The following DAP variants were observed in gnomAD, a reference collection of about 807,000 sequenced individuals.
The protein encoded by DAP is death-associated protein 1.
Under a neutral mutation model 13.8 loss-of-function variants are expected in DAP, and 8 were observed. That is an observed-to-expected ratio of 0.58 (90% CI 0.34 to 1.05). The LOEUF (loss-of-function observed/expected upper bound fraction) is 1.05, where lower values mean the gene tolerates loss of function less well. Ranked by LOEUF, DAP falls within the 50% of genes least tolerant of loss-of-function variation. The pLI, the probability that DAP is intolerant of heterozygous loss-of-function variation, is 0.03. For synonymous variants in DAP, 47 were observed against 47.5 expected (o/e 0.99, Z 0.04); for missense variants, 106 against 133.2 (o/e 0.80, Z 1.01).
In DAP at chr5:10,702,669, TG is replaced by T. The variant is rs1328536685; in HGVS notation, c.153-19099del. 3.9e-5 allele frequency among the ~76,000 whole-genome samples: 6 copies of T among 152,268 alleles called. No individual in the cohort carries two copies. In the East Asian group the frequency reaches 1.2e-3, roughly 29 times the overall value. On this transcript the variant is annotated intron_variant, in intron 2 of 3. Transcript: ENST00000230895. ...CTAGAGGCGGTAAGGAAAAGAGGGA[TG>T]GGGTGTTATCAATGACCACATTCAC...
intron 1 of DAP, among the ~76,000 whole-genome samples, chr5:10,759,319 G>C (rs1247785894): frequency 2.0e-5 from 3 of 152,332 alleles, no homozygotes; most frequent in African/African-American, 7.2e-5. Context: ...AGAGCAGGTG[G>C]CTGCTGCAGT....
At chr5:10,709,305 AAAG>A (rs1182573870) in intron 2 of DAP, among the ~76,000 whole-genome samples, 3 of 152,200 alleles carry the variant, frequency 2.0e-5, no homozygotes, top group Non-Finnish European at 2.9e-5. Flanking sequence ...GTTACTGGGG[AAAG>A]AAGATGAATA....
At chr5:10,746,637 GC>G (rs937021368) in intron 2 of DAP, among the ~76,000 whole-genome samples, 2 of 152,130 alleles carry the variant, frequency 1.3e-5, no homozygotes, top group African/African-American at 4.8e-5. Context: ...GACAATTCTA[GC>G]ATTTTCTTTA....
chr5:10,755,136 C>T (rs555448499), intron 1 of DAP, among the ~76,000 whole-genome samples: 110 of 152,204 alleles, frequency 7.2e-4, no homozygotes, highest in African/African-American at 2.5e-3. Context: ...AAGAGGGAGG[C>T]GGAAGAGTCA....
chr5:10,753,795 T>C (rs1740105501), intron 1 of DAP, among the ~76,000 whole-genome samples: 2 of 152,212 alleles, frequency 1.3e-5, no homozygotes, highest in Non-Finnish European at 2.9e-5. Context: ...TACTGGAGTA[T>C]GACTCACAAG....
intron 2 of DAP, among the ~76,000 whole-genome samples, chr5:10,689,392 A>T (rs1362280393): frequency 6.6e-6 from 1 of 152,124 alleles, no homozygotes; most frequent in Non-Finnish European, 1.5e-5. Flanking sequence ...GGCCCAGCTC[A>T]TTCCAGGAGT....
chr5:10,721,275 T>C (rs992629028), intron 2 of DAP, among the ~76,000 whole-genome samples: 5 of 152,126 alleles, frequency 3.3e-5, no homozygotes, highest in African/African-American at 1.2e-4. Flanking sequence ...CCCCTAATGA[T>C]CCACTGGCAA....
chr5:10,683,577 A>T lies in DAP; in HGVS notation c.153-6T>A. On this transcript the variant is annotated splice_region_variant and splice_polypyrimidine_tract_variant and intron_variant, in intron 2 of 3. Coordinates refer to ENST00000230895, the MANE Select transcript of DAP (RefSeq NM_004394.3). ...ACACAGTGGGTTTAGGTGGACTGGA[A>T]AAAAAGAAGGGAAAAGGCAGATTTA... 6.2e-7 allele frequency: 1 copy of T among 1,613,994 alleles called. No homozygotes were observed. The highest frequency in any genetic ancestry group is 8.5e-7 in the Non-Finnish European group (1 of 1,179,936).
intron 2 of DAP, among the ~76,000 whole-genome samples, chr5:10,688,760 G>T (rs931821715): frequency 1.2e-4 from 19 of 152,106 alleles, no homozygotes; most frequent in African/African-American, 4.6e-4. Flanking sequence ...GGTCTACCCT[G>T]TGAGTACGCC....
At chr5:10,688,470 T>C (rs1044167784) in intron 2 of DAP, among the ~76,000 whole-genome samples, 2 of 152,216 alleles carry the variant, frequency 1.3e-5, no homozygotes, top group Non-Finnish European at 2.9e-5. Context: ...ATAACTTTTA[T>C]ATGCACTGTG....
rs3756410 is a variant in DAP at position 10,712,991 on chromosome 5, G to A, written c.153-29420C>T. ...TACTCATTAGTGCAGGCCTCCATACGACACATGTACCCATGAACTAGGCTG... is the reference window on the plus strand; with the variant it reads ...TACTCATTAGTGCAGGCCTCCATACAACACATGTACCCATGAACTAGGCTG... On this transcript the variant is annotated intron_variant, in intron 2 of 3. Coordinates refer to ENST00000230895, the MANE Select transcript of DAP (RefSeq NM_004394.3). Among the ~76,000 whole-genome samples the A allele has an allele frequency of 1.1e-4, 17 of 152,244 alleles. No individual in the cohort carries two copies. In the East Asian group the frequency reaches 3.3e-3, roughly 29 times the overall value.
At chr5:10,745,970 T>C (rs530219781) in intron 2 of DAP, among the ~76,000 whole-genome samples, 1 of 152,224 alleles carries the variant, frequency 6.6e-6, no homozygotes, top group South Asian at 2.1e-4. Context: ...TCATAACTTG[T>C]ACGGAGGCAA....
At chr5:10,744,272 T>C (rs751043563) in intron 2 of DAP, among the ~76,000 whole-genome samples, 9 of 152,298 alleles carry the variant, frequency 5.9e-5, no homozygotes, top group Non-Finnish European at 1.3e-4. Flanking sequence ...TGAACAACAC[T>C]GGGATCAAAA....
intron 2 of DAP, among the ~76,000 whole-genome samples, chr5:10,711,580 C>T (rs1378199032): frequency 6.6e-6 from 1 of 152,206 alleles, no homozygotes; most frequent in Non-Finnish European, 1.5e-5. Flanking sequence ...ATTAAAAATC[C>T]TCTGAACTCT....
intron 2 of DAP, among the ~76,000 whole-genome samples, chr5:10,734,729 T>C (rs1171294673): frequency 6.6e-6 from 1 of 152,240 alleles, no homozygotes; most frequent in Non-Finnish European, 1.5e-5. Flanking sequence ...ATTTCTATTA[T>C]ATACAACAAC....
At chr5:10,750,338 A>G (rs1465939495) in intron 1 of DAP, among the ~76,000 whole-genome samples, 1 of 151,928 alleles carries the variant, frequency 6.6e-6, no homozygotes, top group African/African-American at 2.4e-5. Context: ...GGCCAGCCCG[A>G]CTGGAGGGAG....
chr5:10,724,072 C>T (rs1198537438), intron 2 of DAP, among the ~76,000 whole-genome samples: 1 of 152,188 alleles, frequency 6.6e-6, no homozygotes, highest in African/African-American at 2.4e-5. Flanking sequence ...TTTCCTTGTG[C>T]TACCCTCAAA....
In DAP at chr5:10,680,907, T is replaced by C. The variant is rs2126630910; in HGVS notation, c.*149A>G. On this transcript the variant is annotated 3_prime_UTR_variant, in exon 4 of 4. Transcript: ENST00000230895. Reference sequence around the variant, plus strand: ...CTGGAGCTGTTTCTAGTTTTAAATATGGAAATGTAAGGCAAAGGACAGAGC... The same window carrying C: ...CTGGAGCTGTTTCTAGTTTTAAATACGGAAATGTAAGGCAAAGGACAGAGC... The C allele has an allele frequency of 6.5e-7, 1 of 1,537,586 alleles. No individual in the cohort carries two copies. Among genetic ancestry groups the C allele is most frequent in the Non-Finnish European group, 8.7e-7 (1 of 1,146,986 alleles).
rs1390267414 is a variant in DAP, at chr5:10,707,960, T to G, written c.153-24389A>C. On this transcript the variant is annotated intron_variant, in intron 2 of 3. Coordinates refer to ENST00000230895, the MANE Select transcript of DAP (RefSeq NM_004394.3). This position sits in a 1 kb window ranked among gnomAD's most constrained non-coding sequence, Gnocchi z 4.0. ...TATTTAGGCTTGAAATTCTTAAGAG[T>G]TGGATGCTACACTGAAGAGCTGAAT... 1.3e-5 allele frequency among the ~76,000 whole-genome samples: 2 copies of G among 152,112 alleles called. No individual in the cohort carries two copies. The highest frequency in any genetic ancestry group is 2.4e-5 in the African/African-American group (1 of 41,398).
Sources: gnomAD v4.1 joint callset for allele counts (sites outside exome capture counted in the v4.1 genomes callset) on GRCh38, gnomAD v4.1.1 for gene constraint, Gnocchi (gnomAD v3.1) non-coding constraint, MANE v1.5 for transcripts, NCBI Gene and HGNC (gene_info 2026-07-23, HGNC 2026-07-21) for gene names.